GPC5: variants seen among roughly 807,000 people sequenced by gnomAD.
GPC5 encodes the protein glypican-5.
Under a neutral mutation model 53.9 loss-of-function variants are expected in GPC5, and 47 were observed. The ratio of observed to expected loss-of-function variants is 0.87; its 90% CI spans 0.69 to 1.11. The LOEUF (loss-of-function observed/expected upper bound fraction) is 1.11, where lower values mean the gene tolerates loss of function less well. Among genes scored for constraint, GPC5 ranks in the 50% most tolerant of loss-of-function variants. GPC5 has a pLI of 0.00. For synonymous variants in GPC5, 286 were observed against 263.3 expected, an observed-to-expected ratio of 1.09 and a Z score of -0.84; for missense variants, 748 against 713.1, an observed-to-expected ratio of 1.05 and a Z score of -0.56.
At chr13:92,527,160 GAAAGAAAGAAAGAGAAAGAAAGA>G (rs1881336786) in intron 7 of GPC5, among the ~76,000 whole-genome samples, 2 of 107,884 alleles carry the variant, frequency 1.9e-5, no homozygotes, top group African/African-American at 7.2e-5. Context: ...AAGAAAGAAA[GAAAGAAAGAAAGAGAAAGAAAGA>G]AGAAAGAAAG....
At chr13:92,305,032 C>T (rs2043101823) in intron 7 of GPC5, among the ~76,000 whole-genome samples, 3 of 152,038 alleles carry the variant, frequency 2.0e-5, no homozygotes, top group African/African-American at 7.2e-5. Context: ...ATAGAAAAAA[C>T]TTTTTATTTT....
chr13:92,194,074 G>A (rs892911969), intron 7 of GPC5, among the ~76,000 whole-genome samples: 1 of 152,136 alleles, frequency 6.6e-6, no homozygotes, highest in African/African-American at 2.4e-5. Context: ...AAGAAGGGAG[G>A]AAGAATAATG....
At chr13:92,158,517 T>C (rs927875522) in intron 7 of GPC5, among the ~76,000 whole-genome samples, 3 of 151,974 alleles carry the variant, frequency 2.0e-5, no homozygotes, top group Middle Eastern at 3.4e-3. Flanking sequence ...TTTTTTTTTT[T>C]CTTCTGACAA....
chr13:92,771,855 T>C (rs1256901886), intron 7 of GPC5, among the ~76,000 whole-genome samples: 4 of 152,186 alleles, frequency 2.6e-5, no homozygotes, highest in Non-Finnish European at 5.9e-5. Flanking sequence ...ATCTTACATA[T>C]ATTATGCTTA....
At chr13:92,467,465 A>G (rs1309560002) in intron 7 of GPC5, among the ~76,000 whole-genome samples, 1 of 152,130 alleles carries the variant, frequency 6.6e-6, no homozygotes, top group Non-Finnish European at 1.5e-5. Context: ...TAAAGAGAAA[A>G]TGATGTTCTA....
intron 7 of GPC5, among the ~76,000 whole-genome samples, chr13:92,218,952 A>G (rs185860026): frequency 6.6e-6 from 1 of 152,190 alleles, no homozygotes; most frequent in South Asian, 2.1e-4. Flanking sequence ...GAAAACCACA[A>G]TAAAATTATA....
At chr13:92,678,538 G>GA (rs1363393814) in intron 7 of GPC5, among the ~76,000 whole-genome samples, 1 of 152,200 alleles carries the variant, frequency 6.6e-6, no homozygotes, top group African/African-American at 2.4e-5. Context: ...GACCAGAGGA[G>GA]AAAGACATCT....
At chr13:91,426,140 G>T (rs991278651) in intron 1 of GPC5, among the ~76,000 whole-genome samples, 1 of 152,110 alleles carries the variant, frequency 6.6e-6, no homozygotes, top group Non-Finnish European at 1.5e-5. Context: ...TAATTTTCTG[G>T]GGAGAAATTC....
intron 5 of GPC5, among the ~76,000 whole-genome samples, chr13:91,870,114 T>A (rs2039127908): frequency 6.6e-6 from 1 of 152,178 alleles, no homozygotes; most frequent in African/African-American, 2.4e-5. Flanking sequence ...CATTAAGAGT[T>A]ATTTGGCCTA....
chr13:91,492,006 G>A (rs1048794800), intron 2 of GPC5, among the ~76,000 whole-genome samples: 2 of 152,076 alleles, frequency 1.3e-5, no homozygotes, highest in East Asian at 3.9e-4. Context: ...TGAATACTTA[G>A]CAATTAGTTT....
intron 6 of GPC5, among the ~76,000 whole-genome samples, chr13:91,961,614 TAAC>T (rs2040126508): frequency 6.6e-6 from 1 of 152,030 alleles, no homozygotes; most frequent in Non-Finnish European, 1.5e-5. Flanking sequence ...TTATTCATAA[TAAC>T]ACAGCAGAAA....
At chr13:92,653,315 C>A (rs1225208273) in intron 7 of GPC5, among the ~76,000 whole-genome samples, 1 of 152,150 alleles carries the variant, frequency 6.6e-6, no homozygotes, top group Non-Finnish European at 1.5e-5. Context: ...TCGTTTCTAG[C>A]ATGCCCAATC....
At chr13:92,278,318 T>A (rs2042890315) in intron 7 of GPC5, among the ~76,000 whole-genome samples, 1 of 152,012 alleles carries the variant, frequency 6.6e-6, no homozygotes, top group Non-Finnish European at 1.5e-5. Flanking sequence ...ATAATAAATC[T>A]ATATATGCAG....
At chr13:91,895,610 C>T (rs1316699321) in intron 5 of GPC5, among the ~76,000 whole-genome samples, 1 of 151,550 alleles carries the variant, frequency 6.6e-6, no homozygotes, top group Non-Finnish European at 1.5e-5. Flanking sequence ...GCTCTGTTGT[C>T]AGGTTTTATC....
At chr13:92,224,103 G>A (rs564934927) in intron 7 of GPC5, among the ~76,000 whole-genome samples, 74 of 151,966 alleles carry the variant, frequency 4.9e-4, no homozygotes, top group African/African-American at 1.7e-3. Flanking sequence ...GAAAGATTAT[G>A]GTGACTTAGA....
At chr13:91,614,178 C>T (rs1255810091) in intron 2 of GPC5, among the ~76,000 whole-genome samples, 1 of 152,138 alleles carries the variant, frequency 6.6e-6, no homozygotes, top group African/African-American at 2.4e-5. Flanking sequence ...ACAGAGGAAA[C>T]ATGAGCCTGG....
intron 6 of GPC5, among the ~76,000 whole-genome samples, chr13:92,108,499 T>C (rs1467840389): frequency 6.6e-6 from 1 of 152,208 alleles, no homozygotes; most frequent in Non-Finnish European, 1.5e-5. Flanking sequence ...CAGTGTCTTA[T>C]CATGTCAGCC....
chr13:92,327,892 T>C (rs9523629), intron 7 of GPC5, among the ~76,000 whole-genome samples: 12,635 of 152,196 alleles, frequency 0.083, 668 homozygotes, highest in Middle Eastern at 0.14. Flanking sequence ...ACTTCTTATA[T>C]GTCTGAGAGA....
At chr13:92,492,483 A>G (rs9523684) in intron 7 of GPC5, among the ~76,000 whole-genome samples, 89,305 of 151,290 alleles carry the variant, frequency 0.59, 26,992 homozygotes, top group East Asian at 0.74. Context: ...CCTAGAACTT[A>G]AAGTATAATA....
Sources: allele counts gnomAD v4.1 joint callset (sites outside exome capture counted in the v4.1 genomes callset), GRCh38; gene constraint gnomAD v4.1.1; transcripts MANE v1.5; gene names NCBI Gene and HGNC (gene_info 2026-07-23, HGNC 2026-07-21).